Variants in FAAP100 observed in about 807,000 individuals in gnomAD.
FAAP100 encodes Fanconi anemia core complex-associated protein 100.
FAAP100 carries 46 observed loss-of-function variants against 65.8 expected under a neutral mutation model. The ratio of observed to expected loss-of-function variants is 0.70; its 90% CI spans 0.55 to 0.89. The LOEUF (loss-of-function observed/expected upper bound fraction) is 0.89. FAAP100 is among the 40% of genes least tolerant of loss of function. The probability of loss-of-function intolerance (pLI) is 0.00; values close to 1 mark genes in which losing one functional copy is unlikely to be tolerated. For synonymous variants in FAAP100, 663 were observed against 555.1 expected, an observed-to-expected ratio of 1.19 and a Z score of -2.73; for missense variants, 1,165 against 1,196.7, an observed-to-expected ratio of 0.97 and a Z score of 0.39.
rs1474223183 is a variant in FAAP100, at chr17:81,545,902, C to T, written c.2174-20G>A. ...GCACGCCTGGAGGGGAGGCATCAGC[C>T]GAGAGCTCAGCCTGATCCTACCAGG... On this transcript the variant is annotated intron_variant, in intron 5 of 8. Transcript: ENST00000327787. 1.2e-5 allele frequency: 19 copies of T among 1,597,208 alleles called. No individual in the cohort carries two copies. The highest frequency in any genetic ancestry group is 1.7e-4 in the Middle Eastern group (1 of 5,982).
In FAAP100 at chr17:81,551,920, G is replaced by C. The variant is rs1228360250; in HGVS notation, c.290+8C>G. 3.9e-6 allele frequency: 6 copies of C among 1,542,336 alleles called. No homozygotes were observed. The highest frequency in any genetic ancestry group is 4.3e-6 in the Non-Finnish European group (5 of 1,153,874). On this transcript the variant is annotated splice_region_variant and intron_variant, in intron 2 of 8. Transcript: ENST00000327787. ...TGTGCGGGAGGGAGGCCGCGGGCCC[G>C]CCCTCACCTGCTCCTGCCCGGGTGG...
chr17:81,541,194 C>A, intron 8 of FAAP100, 115 bp downstream of exon 8: 1 of 1,253,626 alleles, frequency 8.0e-7, no homozygotes. Flanking sequence ...CCCATGGGAG[C>A]GAAGCCCATG....
chr17:81,547,542 A>G lies in FAAP100; in HGVS notation c.1540T>C (p.Trp514Arg). The G allele has an allele frequency of 6.2e-7, 1 of 1,613,458 alleles. No individual in the cohort carries two copies. Among genetic ancestry groups the G allele is most frequent in the Non-Finnish European group, 8.5e-7 (1 of 1,180,022 alleles). The change falls in exon 5 of 9, where the codon TGG (tryptophan) becomes CGG (arginine). Residue 514 changes from tryptophan (W) to arginine (R), a missense_variant. Coordinates refer to ENST00000327787, the MANE Select transcript of FAAP100 (RefSeq NM_025161.6). Reference sequence around the variant, plus strand: ...ACATCCTGTGTCTGCAGGCGGCTCCAGGTGGTGCTGGTGGTGCAGGAGATG... The same window carrying G: ...ACATCCTGTGTCTGCAGGCGGCTCCGGGTGGTGCTGGTGGTGCAGGAGATG... ...RPISCTTSTT[W>R]SRLQTQDVLM...
At position 81,550,289 on chromosome 17, in the gene FAAP100, C is replaced by T; in HGVS notation, c.1205G>A (p.Cys402Tyr). ...AGACGCGGACAGCGAGACGACACTGCAGATGTTCAGGCTGGCTGGGCACAG... is the reference window on the plus strand; with the variant it reads ...AGACGCGGACAGCGAGACGACACTGTAGATGTTCAGGCTGGCTGGGCACAG... ...PMLCPASLNICSVVSLSASPR... is the reference protein window; with the variant it reads ...PMLCPASLNIYSVVSLSASPR... The change falls in exon 3 of 9, where the codon TGC becomes TAC. Residue 402 changes from cysteine to tyrosine, a missense_variant. By Grantham distance (194) the Cys-to-Tyr change is radical (BLOSUM62 -2). Coordinates refer to ENST00000327787, the MANE Select transcript of FAAP100 (RefSeq NM_025161.6). 6 of 1,611,402 alleles carry T rather than the reference C, an allele frequency of 3.7e-6. No homozygotes were observed. The highest frequency in any genetic ancestry group is 5.1e-6 in the Non-Finnish European group (6 of 1,179,116).
chr17:81,549,893 C>T (rs1053990290), intron 3 of FAAP100, among the ~76,000 whole-genome samples: 5 of 152,240 alleles, frequency 3.3e-5, no homozygotes, highest in Admixed American at 1.3e-4. Context: ...GGAAGAAAGG[C>T]AAGTCCGGAA....
At position 81,547,127 on chromosome 17, in the gene FAAP100, C is replaced by T. The variant is rs1568095380; in HGVS notation, c.1955G>A (p.Cys652Tyr). The change falls in exon 5 of 9, where the codon TGT becomes TAT. Residue 652 changes from cysteine to tyrosine, a missense_variant. Physicochemically the swap from Cys to Tyr is radical, Grantham distance 194 (BLOSUM62 -2). Transcript: ENST00000327787. ...CGGGGCCAGGCCAGGGAAGCGCAGA[C>T]ACTGCAGCATGTCCACTGTGTGCCT... is the stretch of plus-strand genomic sequence containing the variant. The part of the protein sequence containing the change: ...LSRHTVDMLQ[C>Y]LRFPGLAPPH... 6.5e-7 allele frequency: 1 copy of T among 1,530,194 alleles called. No homozygotes were observed. The highest frequency in any genetic ancestry group is 8.8e-7 in the Non-Finnish European group (1 of 1,137,858). 94.8% of individuals were successfully genotyped at this position (1,530,194 alleles called of 1,614,324 possible).
chr17:81,550,502 G>C lies in FAAP100; in HGVS notation c.992C>G (p.Ser331Cys). 6.2e-7 allele frequency: 1 copy of C among 1,612,770 alleles called. No homozygotes were observed. The highest frequency in any genetic ancestry group is 8.5e-7 in the Non-Finnish European group (1 of 1,179,960). Residue 331 changes from serine to cysteine, a missense_variant, in exon 3 of 9, where the codon TCC becomes TGC. Physicochemically the swap from Ser to Cys is moderately radical, Grantham distance 112. Coordinates refer to ENST00000327787, the MANE Select transcript of FAAP100 (RefSeq NM_025161.6). Reference sequence around the variant, plus strand: ...CCGCAGCTCGGGCACCAGCTTCCCGGACTCATCCCAGCTGGCCTTGATGGC... The same window carrying C: ...CCGCAGCTCGGGCACCAGCTTCCCGCACTCATCCCAGCTGGCCTTGATGGC... ...MLAIKASWDE[S>C]GKLVPELREY...
chr17:81,544,515 A>C (rs1311975346), intron 6 of FAAP100, among the ~76,000 whole-genome samples: 1 of 152,164 alleles, frequency 6.6e-6, no homozygotes, highest in East Asian at 1.9e-4. Flanking sequence ...CCGTCCCCCC[A>C]CACCAGGCAT....
chr17:81,542,925 G>A (rs781735738), intron 7 of FAAP100, among the ~76,000 whole-genome samples: 18 of 152,324 alleles, frequency 1.2e-4, no homozygotes, highest in African/African-American at 3.6e-4. Flanking sequence ...CCTCAGCTCT[G>A]GAGAACCCCC....
In FAAP100 at chr17:81,550,551, A is replaced by C; in HGVS notation, c.943T>G (p.Phe315Val). 1.9e-6 allele frequency: 3 copies of C among 1,612,898 alleles called. No homozygotes were observed. The highest frequency in any genetic ancestry group is 2.5e-6 in the Non-Finnish European group (3 of 1,180,026). ...EDVHCDCLVA[F>V]GHHGRMLAIK... is the part of the protein sequence containing the mutation. ...GCCAGCATCCGGCCGTGGTGACCAA[A>C]GGCCACCAGGCAGTCACAGTGCACA... is the stretch of plus-strand genomic sequence containing the variant. Residue 315 changes from phenylalanine (F) to valine (V), a missense_variant, in exon 3 of 9, where the codon TTT becomes GTT. Coordinates refer to ENST00000327787, the MANE Select transcript of FAAP100 (RefSeq NM_025161.6).
Position 81,552,018 on chromosome 17 carries a change from A to G in FAAP100, c.200T>C (p.Leu67Pro). 6.4e-7 allele frequency: 1 copy of G among 1,562,192 alleles called. No individual in the cohort carries two copies. The part of the protein sequence containing the change: ...AFRFPDQVWH[L>P]ELLAPRRLLY... ...CAACCTGCGCGGCGCCAGCAGCTCC[A>G]GGTGCCACACCTGGTCGGGGAACCG... Residue 67 changes from leucine (L) to proline (P), a missense_variant, in exon 2 of 9, where the codon CTG becomes CCG. Leu to Pro is a moderately conservative substitution (Grantham distance 98, BLOSUM62 -3). Coordinates refer to ENST00000327787, the MANE Select transcript of FAAP100 (RefSeq NM_025161.6).
At chr17:81,552,089 G>T in intron 1 of FAAP100, 37 bp from the exon 2 acceptor site, 1 of 1,447,572 alleles carries the variant, frequency 6.9e-7, no homozygotes, top group South Asian at 1.4e-5. Flanking sequence ...GACGCGACGC[G>T]CGGGCCCGCG....
Position 81,550,419 on chromosome 17 carries a change from A to T in FAAP100, c.1075T>A (p.Tyr359Asn). ...CAGAGGTCAGAAGGGGTGCTGTGGT[A>T]CACGCGGCCACCCCCGCCACAGGCA... ...CAACGGGGRV[Y>N]HSTPSDLCVV... The change falls in exon 3 of 9, where the codon TAC becomes AAC. Residue 359 changes from tyrosine (Y) to asparagine (N), a missense_variant. Transcript: ENST00000327787. 6.2e-7 allele frequency: 1 copy of T among 1,612,150 alleles called. No homozygotes were observed.
upstream of FAAP100, chr17:81,552,479 G>C: frequency 4.4e-6 from 3 of 688,036 alleles, no homozygotes; most frequent in Non-Finnish European, 6.1e-6. Flanking sequence ...ACGCGCTGCA[G>C]GGACTCCGGG....
chr17:81,540,327 A>G lies in FAAP100; in HGVS notation c.*492T>C. 2.5e-6 allele frequency: 1 copy of G among 400,416 alleles called. No homozygotes were observed. The highest frequency in any genetic ancestry group is 4.4e-6 in the Non-Finnish European group (1 of 227,102). 24.8% of individuals were successfully genotyped at this position (400,416 alleles called of 1,614,324 possible). A position where few individuals can be genotyped will look rare whatever the true frequency, so the allele number is the denominator to read the frequency against. On this transcript the variant is annotated 3_prime_UTR_variant, in exon 9 of 9. Transcript: ENST00000327787. ...GCCGGGCAGGTGTGAACAGTGTGAC[A>G]AGGGTACCGTGGGGCACCTGGTAGT...
At chr17:81,551,322 G>C in intron 2 of FAAP100, 119 bp from the exon 3 acceptor site, 1 of 992,408 alleles carries the variant, frequency 1.0e-6, no homozygotes, top group Non-Finnish European at 1.4e-6. Flanking sequence ...CCCCAAGGCC[G>C]CTCAGCAGTC....
At chr17:81,545,916 G>C in intron 5 of FAAP100, 34 bp from the exon 6 acceptor site, 1 of 1,585,990 alleles carries the variant, frequency 6.3e-7, no homozygotes, top group Non-Finnish European at 8.5e-7. Flanking sequence ...AGCTCAGCCT[G>C]ATCCTACCAG....
intron 7 of FAAP100, among the ~76,000 whole-genome samples, chr17:81,543,630 C>T (rs1022593413): frequency 1.3e-5 from 2 of 152,168 alleles, no homozygotes; most frequent in Non-Finnish European, 2.9e-5. Context: ...CTAGGATCCA[C>T]GCCCAGGCCA....
At position 81,546,963 on chromosome 17, in the gene FAAP100, A is replaced by C; in HGVS notation, c.2119T>G (p.Ser707Ala). 2 of 1,469,466 alleles carry C rather than the reference A, an allele frequency of 1.4e-6. No individual in the cohort carries two copies. The highest frequency in any genetic ancestry group is 1.8e-6 in the Non-Finnish European group (2 of 1,107,836). 91.0% of individuals were successfully genotyped at this position (1,469,466 alleles called of 1,614,324 possible). A position where few individuals can be genotyped will look rare whatever the true frequency, so the allele number is the denominator to read the frequency against. Residue 707 changes from serine to alanine, a missense_variant, in exon 5 of 9, where the codon TCC becomes GCC. Transcript: ENST00000327787. ...RAEYLPPSVA[S>A]IKVSAELLRA... ...AGCAGCTCCGCCGACACCTTGATGG[A>C]AGCCACAGATGGGGGCAGGTACTCG...
Sources: gnomAD v4.1 joint callset for allele counts (sites outside exome capture counted in the v4.1 genomes callset) on GRCh38, gnomAD v4.1.1 for gene constraint, MANE v1.5 for transcripts, NCBI Gene and HGNC (gene_info 2026-07-23, HGNC 2026-07-21) for gene names.